Variants in KCNN2 observed in about 807,000 individuals in gnomAD.
The protein encoded by KCNN2 is small conductance calcium-activated potassium channel protein 2.
A neutral mutation model predicts 55.5 loss-of-function variants in KCNN2; 24 were observed. The ratio of observed to expected loss-of-function variants is 0.43; its 90% CI spans 0.31 to 0.61. KCNN2 has a LOEUF of 0.61. Ranked by LOEUF, KCNN2 falls within the 20% of genes least tolerant of loss-of-function variation. KCNN2 has a pLI of 0.08. For synonymous variants in KCNN2, 431 were observed against 336.1 expected (o/e 1.28, Z -3.09); for missense variants, 754 against 853.6 (o/e 0.88, Z 1.45).
At chr5:114,361,287 CG>C (rs1001153996), upstream of KCNN2, 1 of 152,182 alleles carries the variant, frequency 6.6e-6, no homozygotes, top group African/African-American at 2.4e-5. Flanking sequence ...GGTGCCGAGG[CG>C]GTTAACCCTA....
chr5:114,477,324 A>G (rs1039167662), intron 5 of KCNN2, among the ~76,000 whole-genome samples: 13 of 152,208 alleles, frequency 8.5e-5, no homozygotes, highest in Non-Finnish European at 1.8e-4. Context: ...TTTCTGTGAA[A>G]AATTATTCAC....
At chr5:114,149,422 G>A (rs1752470257) in intron 1 of KCNN2, among the ~76,000 whole-genome samples, 1 of 152,250 alleles carries the variant, frequency 6.6e-6, no homozygotes, top group African/African-American at 2.4e-5. Context: ...CAGATCGACA[G>A]GTCGAGAAAT....
chr5:114,198,063 TC>T (rs1753595064), intron 1 of KCNN2, among the ~76,000 whole-genome samples: 1 of 151,954 alleles, frequency 6.6e-6, no homozygotes, highest in African/African-American at 2.4e-5. Flanking sequence ...GTCCTGCTCC[TC>T]CCCCCACTTT....
intron 7 of KCNN2, 47 bp downstream of exon 7, chr5:114,493,519 AC>A: frequency 8.1e-7 from 1 of 1,230,794 alleles, no homozygotes; most frequent in Non-Finnish European, 1.2e-6. Context: ...GTTGAAATCA[AC>A]CACTTCACAG....
chr5:114,442,187 G>A (rs911033455), intron 3 of KCNN2, among the ~76,000 whole-genome samples: 3 of 151,618 alleles, frequency 2.0e-5, no homozygotes, highest in African/African-American at 7.3e-5. Flanking sequence ...GAGATTTCAC[G>A]TGGGGAAGAG....
intron 1 of KCNN2, among the ~76,000 whole-genome samples, chr5:114,117,284 C>G (rs2954378): frequency 0.071 from 10,806 of 152,172 alleles, 1,280 homozygotes; most frequent in African/African-American, 0.24. Flanking sequence ...TTTTTCACCT[C>G]GTCTTACAGA....
chr5:114,081,250 T>A (rs1750811501), intron 1 of KCNN2, among the ~76,000 whole-genome samples: 1 of 152,128 alleles, frequency 6.6e-6, no homozygotes, highest in Admixed American at 6.6e-5. Context: ...CACTCCCTAT[T>A]AAAATCCCAA....
At chr5:114,205,002 T>G (rs1215125675) in intron 1 of KCNN2, among the ~76,000 whole-genome samples, 1 of 152,232 alleles carries the variant, frequency 6.6e-6, no homozygotes, top group Non-Finnish European at 1.5e-5. Flanking sequence ...TAGCATCTAT[T>G]CAGCCAGCTG....
chr5:114,486,604 A>T (rs565727788), intron 5 of KCNN2: 1 of 480,960 alleles, frequency 2.1e-6, no homozygotes, highest in South Asian at 1.8e-5. Flanking sequence ...AGCACTGGAA[A>T]CATGCCCTTC....
intron 4 of KCNN2, among the ~76,000 whole-genome samples, chr5:114,466,985 C>CA (rs1561402031): frequency 6.6e-6 from 1 of 151,936 alleles, no homozygotes; most frequent in Non-Finnish European, 1.5e-5. Context: ...CTTCAAGGAG[C>CA]AAAAAAACAA....
intron 5 of KCNN2, among the ~76,000 whole-genome samples, chr5:114,484,593 T>C (rs998804294): frequency 6.6e-6 from 1 of 152,200 alleles, no homozygotes; most frequent in Non-Finnish European, 1.5e-5. Flanking sequence ...TGACCCTGTC[T>C]TCTCACTGTC....
At chr5:114,275,319 G>A (rs2150010210) in intron 2 of KCNN2, among the ~76,000 whole-genome samples, 1 of 152,256 alleles carries the variant, frequency 6.6e-6, no homozygotes, top group Admixed American at 6.5e-5. Flanking sequence ...TCTCTGCCAG[G>A]CTTTGGTGTC....
At chr5:114,069,286 T>C (rs977714805) in intron 1 of KCNN2, among the ~76,000 whole-genome samples, 7 of 152,182 alleles carry the variant, frequency 4.6e-5, no homozygotes, top group Non-Finnish European at 4.4e-5. Context: ...CCTGACTTAG[T>C]CTTGCTTTAC....
intron 2 of KCNN2, among the ~76,000 whole-genome samples, chr5:114,232,773 C>G (rs1295077483): frequency 6.6e-6 from 1 of 150,510 alleles, no homozygotes; most frequent in Non-Finnish European, 1.5e-5. Flanking sequence ...TGGCATGGAA[C>G]ACTATACTCA....
At chr5:114,156,952 G>A (rs962073267) in intron 1 of KCNN2, among the ~76,000 whole-genome samples, 1 of 151,600 alleles carries the variant, frequency 6.6e-6, no homozygotes, top group Non-Finnish European at 1.5e-5. Flanking sequence ...TAGTTATGTA[G>A]TATACCTCTA....
At chr5:114,272,286 CAT>C (rs138400497) in intron 2 of KCNN2, among the ~76,000 whole-genome samples, 11 of 149,396 alleles carry the variant, frequency 7.4e-5, no homozygotes, top group Middle Eastern at 3.5e-3. Context: ...ATCACACACA[CAT>C]ATATGTATGT....
upstream of KCNN2, among the ~76,000 whole-genome samples, chr5:114,357,293 A>C (rs954830622): frequency 1.4e-5 from 2 of 147,812 alleles, no homozygotes; most frequent in Non-Finnish European, 2.9e-5. Flanking sequence ...AAACAACATG[A>C]AATTTTTTTT....
At chr5:114,156,620 A>G (rs1752640764) in intron 1 of KCNN2, among the ~76,000 whole-genome samples, 1 of 151,998 alleles carries the variant, frequency 6.6e-6, no homozygotes, top group Non-Finnish European at 1.5e-5. Flanking sequence ...CTGTATTTCT[A>G]GATATTTTAT....
chr5:114,060,786 G>A (rs947156580), intron 1 of KCNN2, among the ~76,000 whole-genome samples: 5 of 152,224 alleles, frequency 3.3e-5, no homozygotes, highest in Admixed American at 1.3e-4. Context: ...TTCTAGTGTA[G>A]TGCCTGGCAT....
Sources: allele counts gnomAD v4.1 joint callset (sites outside exome capture counted in the v4.1 genomes callset), GRCh38; gene constraint gnomAD v4.1.1; transcripts MANE v1.5; gene names NCBI Gene and HGNC (gene_info 2026-07-23, HGNC 2026-07-21).